The following MRC1 variants were observed in gnomAD, a reference collection of about 807,000 sequenced individuals.
The protein encoded by MRC1 is mannose receptor C-type 1.
A neutral mutation model predicts 102.9 loss-of-function variants in MRC1; 62 were observed. That is an observed-to-expected ratio of 0.60 (90% CI 0.49 to 0.74). The LOEUF (loss-of-function observed/expected upper bound fraction) is 0.74. MRC1 is among the 30% of genes least tolerant of loss of function. The pLI is 0.00. For missense variants in MRC1, 1,237 were observed against 862.8 expected (o/e 1.43, Z -5.43); for synonymous variants, 457 against 298.4 (o/e 1.53, Z -5.48).
intron 4 of MRC1, among the ~76,000 whole-genome samples, chr10:17,837,155 T>A (rs1051326500): frequency 6.6e-6 from 1 of 152,280 alleles, no homozygotes; most frequent in Non-Finnish European, 1.5e-5. Flanking sequence ...CTTGTGTCTA[T>A]CAGGACAGCA....
intron 4 of MRC1, among the ~76,000 whole-genome samples, chr10:17,837,248 C>A (rs1838680565): frequency 6.6e-6 from 1 of 152,202 alleles, no homozygotes; most frequent in Non-Finnish European, 1.5e-5. Flanking sequence ...TTTCAGTCAG[C>A]AAATTTTCAC....
At chr10:17,858,561 C>T (rs890473897) in intron 9 of MRC1, among the ~76,000 whole-genome samples, 7 of 152,168 alleles carry the variant, frequency 4.6e-5, no homozygotes, top group African/African-American at 7.2e-5. Flanking sequence ...GATATTAGCT[C>T]ACTGCAACCT....
intron 4 of MRC1, among the ~76,000 whole-genome samples, chr10:17,839,913 A>AAG (rs1199557895): frequency 6.6e-6 from 1 of 151,772 alleles, no homozygotes; most frequent in African/African-American, 2.4e-5. Context: ...ACAAAAAAAA[A>AAG]AAATTAGCCA....
At chr10:17,877,065 A>ATT (rs1833446558) in intron 17 of MRC1, among the ~76,000 whole-genome samples, 2 of 149,938 alleles carry the variant, frequency 1.3e-5, no homozygotes, top group East Asian at 1.9e-4. Context: ...ATATTGCACA[A>ATT]CTATATATAT....
rs1589196625 is a variant in MRC1 at position 17,902,185 on chromosome 10, A to C, written c.3799+63A>C. 4.2e-6 allele frequency: 3 copies of C among 714,216 alleles called. No individual in the cohort carries two copies. The African/African-American group carries it at 5.3e-5, about 13-fold the overall frequency. The allele number at this position is 714,216 out of a possible 1,614,324, so 44.2% of individuals were successfully genotyped here. A position where few individuals can be genotyped will look rare whatever the true frequency, so the allele number is the denominator to read the frequency against. ...ATCTATTCTGGGGTCCACTGACACT[A>C]TACATGAAATATACAAAGAATGTAA... On this transcript the variant is annotated intron_variant, in intron 26 of 29. Transcript: ENST00000569591.
intron 4 of MRC1, among the ~76,000 whole-genome samples, chr10:17,840,097 AG>A (rs1164944821): frequency 1.3e-5 from 2 of 150,648 alleles, no homozygotes; most frequent in Admixed American, 6.6e-5. Context: ...CGGTAATAAT[AG>A]GTTAGAGTGT....
intron 3 of MRC1, among the ~76,000 whole-genome samples, chr10:17,832,205 C>A (rs1334734030): frequency 6.6e-6 from 1 of 151,470 alleles, no homozygotes; most frequent in African/African-American, 2.5e-5. Flanking sequence ...GCAAAATATC[C>A]ACCTGCTGAG....
intron 22 of MRC1, 71 bp downstream of exon 22, chr10:17,885,506 T>A (rs1833580068): frequency 1.3e-6 from 1 of 759,504 alleles, no homozygotes. Flanking sequence ...TATTGATTAC[T>A]GTTCCATGAA....
At chr10:17,840,830 G>C (rs782813489) in intron 5 of MRC1, 24 bp downstream of exon 5, 2 of 780,690 alleles carry the variant, frequency 2.6e-6, no homozygotes, top group Non-Finnish European at 4.8e-6. Context: ...TGTTTGTGTC[G>C]AATTAATCCA....
intron 11 of MRC1, among the ~76,000 whole-genome samples, chr10:17,864,806 G>C (rs1833238616): frequency 7.1e-6 from 1 of 141,214 alleles, no homozygotes; most frequent in African/African-American, 2.9e-5. Context: ...TCCAGCCTGG[G>C]TGACAAGAAC....
chr10:17,907,771 G>C, intron 28 of MRC1, 73 bp downstream of exon 28: 2 of 771,240 alleles, frequency 2.6e-6, no homozygotes. Context: ...TATCAGGTAT[G>C]GAATCATAAT....
rs2130677814 is a variant in MRC1 at position 17,872,064 on chromosome 10, C to T, written c.2282C>T (p.Thr761Ile). ...TGTGGTGAGCTGAAAGGTGACCCTA[C>T]TATGTCTTGGAATGATATTAATTGT... ...EYCGELKGDP[T>I]MSWNDINCEH... The change falls in exon 15 of 30, where the codon ACT (threonine) becomes ATT (isoleucine). Residue 761 changes from threonine (T) to isoleucine (I), a missense_variant. Transcript: ENST00000569591. 2.6e-6 allele frequency: 2 copies of T among 780,640 alleles called. No homozygotes were observed. Among genetic ancestry groups the T allele is most frequent in the East Asian group, 2.4e-5 (1 of 41,242 alleles). The allele number at this position is 780,640 out of a possible 1,614,324, so 48.4% of individuals were successfully genotyped here.
intron 20 of MRC1, 118 bp downstream of exon 20, chr10:17,880,788 A>G (rs1424123827): frequency 1.4e-5 from 11 of 760,868 alleles, no homozygotes; most frequent in Non-Finnish European, 2.4e-5. Context: ...TGGCAAGAAT[A>G]GGTGAAAATT....
chr10:17,871,627 C>T (rs1589187362), intron 14 of MRC1, among the ~76,000 whole-genome samples: 1 of 152,148 alleles, frequency 6.6e-6, no homozygotes, highest in East Asian at 1.9e-4. Context: ...ATTATCCTTT[C>T]CATTGGGTTG....
At chr10:17,889,822 C>A (rs1167542334) in intron 22 of MRC1, among the ~76,000 whole-genome samples, 1 of 152,120 alleles carries the variant, frequency 6.6e-6, no homozygotes, top group African/African-American at 2.4e-5. Context: ...TGTTTAACAA[C>A]AACTATAGTT....
chr10:17,832,705 A>G (rs1838595412), intron 3 of MRC1, among the ~76,000 whole-genome samples: 1 of 150,714 alleles, frequency 6.6e-6, no homozygotes, highest in African/African-American at 2.4e-5. Context: ...CTCCTGCCTC[A>G]GCCTCCCGAG....
At chr10:17,832,692 A>G (rs946634452) in intron 3 of MRC1, among the ~76,000 whole-genome samples, 2 of 149,420 alleles carry the variant, frequency 1.3e-5, no homozygotes, top group African/African-American at 5.0e-5. Flanking sequence ...GGTTCACGCC[A>G]TTCTCCTGCC....
At chr10:17,880,782 A>T (rs1352607644) in intron 20 of MRC1, 112 bp downstream of exon 20, 2 of 761,302 alleles carry the variant, frequency 2.6e-6, no homozygotes, top group Non-Finnish European at 4.9e-6. Flanking sequence ...AATTTTTGGC[A>T]AGAATAGGTG....
At chr10:17,822,556 A>G (rs1838412217) in intron 1 of MRC1, among the ~76,000 whole-genome samples, 1 of 152,188 alleles carries the variant, frequency 6.6e-6, no homozygotes, top group Non-Finnish European at 1.5e-5. Context: ...AGAAGTTGGA[A>G]GCTACAGTGA....
Sources: allele counts gnomAD v4.1 joint callset (sites outside exome capture counted in the v4.1 genomes callset), GRCh38; gene constraint gnomAD v4.1.1; transcripts MANE v1.5; gene names NCBI Gene and HGNC (gene_info 2026-07-23, HGNC 2026-07-21).